The following ARSF variants were observed in gnomAD, a reference collection of about 807,000 sequenced individuals.
ARSF encodes the protein arylsulfatase F.
In ARSF, 33 loss-of-function variants were observed where a neutral mutation model predicts 35.4. That is an observed-to-expected ratio of 0.93 (90% CI 0.71 to 1.25). The LOEUF is 1.25. ARSF is among the 50% of genes most tolerant of loss of function. The pLI is 0.00. For missense variants in ARSF, 501 were observed against 480.2 expected (o/e 1.04, Z -0.40); for synonymous variants, 222 against 193.1 (o/e 1.15, Z -1.24).
chrX:3,056,181 A>G (rs143020304), intron 1 of ARSF, among the ~76,000 whole-genome samples: 4,155 of 109,979 alleles, frequency 0.038, 187 homozygotes, highest in African/African-American at 0.13. Context: ...GGCTGGTCTC[A>G]AACTCCCAGG....
At chrX:3,088,564 CTTT>C (rs34488601) in intron 6 of ARSF, among the ~76,000 whole-genome samples, 3 of 96,854 alleles carry the variant, frequency 3.1e-5, no homozygotes, top group Non-Finnish European at 2.1e-5. Flanking sequence ...TCAAATCCAT[CTTT>C]TTTTTTTTTT....
chrX:3,082,883 G>T (rs1032561065), intron 5 of ARSF, among the ~76,000 whole-genome samples: 1 of 109,789 alleles, frequency 9.1e-6, no homozygotes, highest in Admixed American at 9.7e-5. Context: ...ACTCATCCAG[G>T]TATCCATCTG....
At chrX:3,104,217 C>T (rs1388671673) in intron 9 of ARSF, among the ~76,000 whole-genome samples, 4 of 110,374 alleles carry the variant, frequency 3.6e-5, no homozygotes, top group African/African-American at 1.3e-4. Flanking sequence ...CTTCATTTTC[C>T]TCTCATCTCT....
intron 6 of ARSF, among the ~76,000 whole-genome samples, chrX:3,088,882 G>T (rs977078172): frequency 9.0e-6 from 1 of 111,221 alleles, no homozygotes; most frequent in African/African-American, 3.3e-5. Flanking sequence ...CTTCCAAGGA[G>T]TTCTGGGCTG....
intron 9 of ARSF, 115 bp from the exon 10 acceptor site, chrX:3,110,013 G>T: frequency 2.8e-6 from 2 of 725,831 alleles, no homozygotes; most frequent in African/African-American, 4.4e-5. Flanking sequence ...GACTCAGTAC[G>T]CTGTCCTCTG....
At chrX:3,071,727 CG>C (rs2090105905) in intron 2 of ARSF, among the ~76,000 whole-genome samples, 1 of 111,916 alleles carries the variant, frequency 8.9e-6, no homozygotes, top group East Asian at 2.8e-4. Context: ...TTTTCCACAG[CG>C]CTTGTACATT....
chrX:3,042,652 A>G (rs1290702148), intron 1 of ARSF, among the ~76,000 whole-genome samples: 1 of 109,280 alleles, frequency 9.2e-6, no homozygotes, highest in Non-Finnish European at 1.9e-5. Context: ...GCCCACCACC[A>G]TGCCTGGCTA....
chrX:3,076,757 A>G, intron 4 of ARSF, 88 bp downstream of exon 4: 1 of 1,126,099 alleles, frequency 8.9e-7, no homozygotes, highest in East Asian at 3.1e-5. Flanking sequence ...TTAACAAGTA[A>G]AAAAGGGCTG....
intron 9 of ARSF, among the ~76,000 whole-genome samples, chrX:3,105,072 C>T (rs1003827239): frequency 1.8e-5 from 2 of 112,040 alleles, no homozygotes; most frequent in Non-Finnish European, 3.8e-5. Context: ...CAAGGGAATC[C>T]AGATGGGTTA....
intron 7 of ARSF, 36 bp downstream of exon 7, chrX:3,089,668 T>A (rs2090275126): frequency 8.3e-7 from 1 of 1,203,706 alleles, no homozygotes; most frequent in Non-Finnish European, 1.1e-6. Flanking sequence ...GAAACTAACG[T>A]GTTCTGATAG....
intron 1 of ARSF, among the ~76,000 whole-genome samples, chrX:3,054,220 T>C (rs1251661183): frequency 9.0e-6 from 1 of 111,240 alleles, no homozygotes; most frequent in Admixed American, 9.6e-5. Context: ...TGGTCATAAA[T>C]CATGGGGCAG....
At chrX:3,105,142 C>A (rs915527457) in intron 9 of ARSF, among the ~76,000 whole-genome samples, 6 of 111,913 alleles carry the variant, frequency 5.4e-5, no homozygotes, top group Admixed American at 1.9e-4. Flanking sequence ...TCTTTCTTCA[C>A]GTAACAAAGC....
intron 1 of ARSF, among the ~76,000 whole-genome samples, chrX:3,053,044 G>C (rs1172534313): frequency 4.5e-5 from 5 of 111,347 alleles, no homozygotes; most frequent in African/African-American, 1.6e-4. Flanking sequence ...CATGGGGTGA[G>C]GCAATGGCAG....
rs1202085983 is a variant in ARSF at position 3,080,903 on chromosome X, G to T, written c.296G>T (p.Ser99Ile). 8.3e-7 allele frequency: 1 copy of T among 1,209,650 alleles called. No homozygotes were observed. Among genetic ancestry groups the T allele is most frequent in the Admixed American group, 2.2e-5 (1 of 45,660 alleles). Residue 99 changes from serine to isoleucine, a missense_variant, in exon 5 of 11, where the codon AGT (serine) becomes ATT (isoleucine). Physicochemically the swap from Ser to Ile is moderately radical, Grantham distance 142. Transcript: ENST00000381127. The stretch of plus-strand genomic sequence containing the variant: ...ACACTACATCTAGGTATGGTTTCTA[G>T]TGGTAATAGACGTGTCATCCAAAAT... ...RYPIRSGMVS[S>I]GNRRVIQNLA...
At chrX:3,062,817 C>T (rs375973667) in intron 1 of ARSF, among the ~76,000 whole-genome samples, 4 of 111,196 alleles carry the variant, frequency 3.6e-5, no homozygotes, top group East Asian at 5.6e-4. Context: ...AATTAATAGC[C>T]TACCAACCAA....
intron 7 of ARSF, among the ~76,000 whole-genome samples, chrX:3,096,764 G>A (rs186003446): frequency 9.0e-6 from 1 of 111,635 alleles, no homozygotes; most frequent in African/African-American, 3.2e-5. Context: ...TTAAATCAAG[G>A]TGGCAGGGGT....
rs1306677236 is a variant in ARSF, at chrX:3,068,065, T to C, written c.-28-8T>C. 8.5e-7 allele frequency: 1 copy of C among 1,176,507 alleles called. No individual in the cohort carries two copies. On this transcript the variant is annotated splice_region_variant and splice_polypyrimidine_tract_variant and intron_variant, in intron 1 of 10. Transcript: ENST00000381127. ...TCTTTTAAATCACGTCTGTGTCTTC[T>C]GCCAAAGACAACAAGAAGGTATTCC...
Position 3,084,922 on chromosome X carries a change from G to A in ARSF, c.830+256G>A, listed in dbSNP as rs189662971. Among the ~76,000 whole-genome samples the A allele has an allele frequency of 5.5e-4, 62 of 111,762 alleles. 1 individual carries two copies. Among genetic ancestry groups the A allele is most frequent in the African/African-American group, 2.0e-3 (62 of 30,810 alleles). ...ACAAATTATATGAATGTATTAAATT[G>A]TAACGTGTACTCTTAAACTATGCAC... On this transcript the variant is annotated intron_variant, in intron 6 of 10. Transcript: ENST00000381127.
intron 1 of ARSF, among the ~76,000 whole-genome samples, chrX:3,048,695 G>A (rs941182276): frequency 1.8e-5 from 2 of 112,149 alleles, no homozygotes; most frequent in African/African-American, 6.5e-5. Flanking sequence ...ATGTCGTCAG[G>A]ACTTCCTGAG....
Sources: allele counts gnomAD v4.1 joint callset (sites outside exome capture counted in the v4.1 genomes callset), GRCh38; gene constraint gnomAD v4.1.1; transcripts MANE v1.5; gene names NCBI Gene and HGNC (gene_info 2026-07-23, HGNC 2026-07-21).